Variants in MAJIN observed in about 807,000 individuals in gnomAD.
MAJIN encodes membrane-anchored junction protein.
MAJIN carries 27 observed loss-of-function variants against 30.2 expected under a neutral mutation model. That is an observed-to-expected ratio of 0.89 (90% confidence interval 0.66 to 1.23). The LOEUF (loss-of-function observed/expected upper bound fraction) is 1.23, where lower values mean the gene tolerates loss of function less well. Among genes scored for constraint, MAJIN ranks in the 50% most tolerant of loss-of-function variants. The pLI is 0.00. For synonymous variants in MAJIN, 78 were observed against 91.6 expected, an observed-to-expected ratio of 0.85 and a Z score of 0.85; for missense variants, 253 against 260.3, an observed-to-expected ratio of 0.97 and a Z score of 0.19.
At chr11:64,947,766 T>C (rs769609695) in intron 7 of MAJIN, 22 bp downstream of exon 7, 40 of 1,611,324 alleles carry the variant, frequency 2.5e-5, no homozygotes, top group Non-Finnish European at 3.3e-5. Flanking sequence ...ATTTTCATTT[T>C]GTACAGAAAA....
chr11:64,971,261 C>G (rs1252784482), intron 1 of MAJIN, among the ~76,000 whole-genome samples: 1 of 151,000 alleles, frequency 6.6e-6, no homozygotes, highest in Non-Finnish European at 1.5e-5. Flanking sequence ...AACCCCATCT[C>G]TACAAAAATA....
intron 1 of MAJIN, among the ~76,000 whole-genome samples, chr11:64,966,743 G>C (rs1945816110): frequency 6.6e-6 from 1 of 151,906 alleles, no homozygotes; most frequent in South Asian, 2.1e-4. Context: ...AGACCAGCCT[G>C]ACCAACATGG....
At chr11:64,969,194 T>G (rs1199364329) in intron 1 of MAJIN, among the ~76,000 whole-genome samples, 1 of 152,110 alleles carries the variant, frequency 6.6e-6, no homozygotes, top group Non-Finnish European at 1.5e-5. Context: ...AATTAGTAGT[T>G]GTGTTTTAAG....
chr11:64,942,925 G>A (rs1168796789), intron 8 of MAJIN, among the ~76,000 whole-genome samples: 2 of 152,190 alleles, frequency 1.3e-5, no homozygotes, highest in Non-Finnish European at 2.9e-5. Flanking sequence ...GAACAGGAGG[G>A]CAAAGGCCCT....
At chr11:64,942,888 G>T (rs1289887372) in intron 8 of MAJIN, among the ~76,000 whole-genome samples, 1 of 152,174 alleles carries the variant, frequency 6.6e-6, no homozygotes, top group East Asian at 1.9e-4. Flanking sequence ...TAGCCCTAAT[G>T]AAAGCATCTA....
intron 8 of MAJIN, among the ~76,000 whole-genome samples, chr11:64,946,446 T>C (rs1197115852): frequency 6.6e-6 from 1 of 152,188 alleles, no homozygotes; most frequent in African/African-American, 2.4e-5. Context: ...AAAGGGAAGA[T>C]CTGAGACCTC....
intron 1 of MAJIN, among the ~76,000 whole-genome samples, chr11:64,963,860 T>C (rs1945765600): frequency 6.6e-6 from 1 of 152,014 alleles, no homozygotes; most frequent in Non-Finnish European, 1.5e-5. Context: ...TGAGTGTGGG[T>C]AACAAAATAT....
At chr11:64,966,145 GAAAAAAAAAA>G (rs58387921) in intron 1 of MAJIN, among the ~76,000 whole-genome samples, 1 of 57,100 alleles carries the variant, frequency 1.8e-5, no homozygotes, top group African/African-American at 6.9e-5. Context: ...GATTAAAAAT[GAAAAAAAAAA>G]AAAAAAAAAA....
intron 1 of MAJIN, among the ~76,000 whole-genome samples, chr11:64,963,410 G>A (rs2136812537): frequency 6.6e-6 from 1 of 152,258 alleles, no homozygotes; most frequent in East Asian, 1.9e-4. Context: ...TGCTATATGA[G>A]GATAATAATA....
At chr11:64,961,155 A>AT (rs1404849362) in intron 1 of MAJIN, among the ~76,000 whole-genome samples, 1 of 150,152 alleles carries the variant, frequency 6.7e-6, no homozygotes, top group Non-Finnish European at 1.5e-5. Flanking sequence ...TCCAAGGATT[A>AT]TTTTTTTGTT....
intron 6 of MAJIN, 77 bp from the exon 7 acceptor site, chr11:64,947,896 G>C (rs1419511014): frequency 7.4e-7 from 1 of 1,347,812 alleles, no homozygotes; most frequent in Non-Finnish European, 1.0e-6. Flanking sequence ...GTCTCTCTCT[G>C]TCACCCAGAC....
In MAJIN at chr11:64,938,439, A is replaced by T. The variant is rs1945319450; in HGVS notation, c.*136T>A. 1 of 1,420,192 alleles carries T rather than the reference A, an allele frequency of 7.0e-7. No homozygotes were observed. The highest frequency in any genetic ancestry group is 9.6e-7 in the Non-Finnish European group (1 of 1,042,660). The allele number at this position is 1,420,192 out of a possible 1,614,324, so 88.0% of individuals were successfully genotyped here. On this transcript the variant is annotated 3_prime_UTR_variant, in exon 11 of 11. Coordinates refer to ENST00000301896, the MANE Select transcript of MAJIN (RefSeq NM_001037225.3). ...TCATTCCCCACGACTGAAGTGTCATAAGAAAAGGATAGAGTTGGAGGAAGA... is the reference window on the plus strand; with the variant it reads ...TCATTCCCCACGACTGAAGTGTCATTAGAAAAGGATAGAGTTGGAGGAAGA...
rs75526790 is a variant in MAJIN at position 64,939,596 on chromosome 11, C to T, written c.*1+66G>A. 1.1e-3 allele frequency: 1,514 copies of T among 1,396,388 alleles called. 26 individuals carry two copies. The East Asian group carries it at 0.033, about 31-fold the overall frequency. 86.5% of individuals were successfully genotyped at this position (1,396,388 alleles called of 1,614,324 possible). A position where few individuals can be genotyped will look rare whatever the true frequency, so the allele number is the denominator to read the frequency against. The stretch of plus-strand genomic sequence containing the variant: ...TGCTTTCTTTTCTATTCTAATTTCC[C>T]TGAAAGACTCAATGAGCCGCTCTGA... On this transcript the variant is annotated intron_variant, in intron 10 of 10. Transcript: ENST00000301896.
At chr11:64,966,929 CAAAAAA>C (rs111480545) in intron 1 of MAJIN, among the ~76,000 whole-genome samples, 2 of 69,588 alleles carry the variant, frequency 2.9e-5, no homozygotes, top group African/African-American at 5.3e-5. Flanking sequence ...ATGACTGTCT[CAAAAAA>C]AAAAAAAAAA....
chr11:64,969,006 AAATT>A (rs1418567942), intron 1 of MAJIN, among the ~76,000 whole-genome samples: 1 of 152,180 alleles, frequency 6.6e-6, no homozygotes, highest in African/African-American at 2.4e-5. Flanking sequence ...GGGATTTTAG[AAATT>A]AATAAATAGT....
intron 2 of MAJIN, 83 bp from the exon 3 acceptor site, chr11:64,959,505 A>G: frequency 9.6e-7 from 1 of 1,041,006 alleles, no homozygotes; most frequent in Non-Finnish European, 1.4e-6. Context: ...AATCTGTAAC[A>G]TCTCTTCATG....
intron 10 of MAJIN, 83 bp downstream of exon 10, chr11:64,939,579 T>C (rs1193865411): frequency 6.4e-6 from 8 of 1,253,732 alleles, no homozygotes; most frequent in Non-Finnish European, 9.1e-6. Flanking sequence ...TCTGCTTTCT[T>C]TTCTATTCTA....
At chr11:64,967,383 G>A (rs1945828535) in intron 1 of MAJIN, among the ~76,000 whole-genome samples, 1 of 151,926 alleles carries the variant, frequency 6.6e-6, no homozygotes, top group Non-Finnish European at 1.5e-5. Context: ...TCCAGCTTGG[G>A]CAACAAGAGC....
chr11:64,955,884 G>C (rs1945622327), intron 3 of MAJIN, among the ~76,000 whole-genome samples: 1 of 152,212 alleles, frequency 6.6e-6, no homozygotes, highest in Non-Finnish European at 1.5e-5. Context: ...TCCTAGGTCA[G>C]GCCAGGCGCA....
Sources: allele counts gnomAD v4.1 joint callset (sites outside exome capture counted in the v4.1 genomes callset), GRCh38; gene constraint gnomAD v4.1.1; transcripts MANE v1.5; gene names NCBI Gene and HGNC (gene_info 2026-07-23, HGNC 2026-07-21).